ZNF433: variants seen among roughly 807,000 people sequenced by gnomAD.
ZNF433 encodes zinc finger protein 433.
In ZNF433, 12 loss-of-function variants were observed where a neutral mutation model predicts 10.6. The ratio of observed to expected loss-of-function variants is 1.13; its 90% CI spans 0.72 to 1.83. The LOEUF (loss-of-function observed/expected upper bound fraction) is 1.83. Ranked by LOEUF, ZNF433 falls within the 40% of genes most tolerant of loss-of-function variation. ZNF433 has a pLI of 0.00. For synonymous variants in ZNF433, 272 were observed against 271.3 expected, an observed-to-expected ratio of 1.00 and a Z score of -0.02; for missense variants, 737 against 798.0, an observed-to-expected ratio of 0.92 and a Z score of 0.92.
rs546005656 is a variant in ZNF433 at position 12,028,957 on chromosome 19, A to C, written c.3+6580T>G. ...TCTCCCACCTTGGCCTCCAAAAGCAATTAATTTTCTTGAAGTCCCAAAAAG... is the reference window on the plus strand; with the variant it reads ...TCTCCCACCTTGGCCTCCAAAAGCACTTAATTTTCTTGAAGTCCCAAAAAG... On this transcript the variant is annotated intron_variant, in intron 1 of 3. Coordinates refer to ENST00000550507, the MANE Select transcript of ZNF433 (RefSeq NM_001308348.2). 6.6e-5 allele frequency among the ~76,000 whole-genome samples: 10 copies of C among 152,316 alleles called. No homozygotes were observed. The East Asian group carries it at 1.7e-3, about 26-fold the overall frequency.
At chr19:12,019,451 T>C (rs1974381223) in intron 1 of ZNF433, among the ~76,000 whole-genome samples, 1 of 152,140 alleles carries the variant, frequency 6.6e-6, no homozygotes, top group Non-Finnish European at 1.5e-5. Flanking sequence ...GATGACACCA[T>C]CAACAAAGGG....
chr19:12,017,241 T>C (rs1348283404), intron 3 of ZNF433, among the ~76,000 whole-genome samples: 1 of 152,166 alleles, frequency 6.6e-6, no homozygotes, highest in Non-Finnish European at 1.5e-5. Flanking sequence ...CTCACTCTGT[T>C]GCCCAGGCTG....
At chr19:12,035,264 G>A (rs529910407) in intron 1 of ZNF433, among the ~76,000 whole-genome samples, 2 of 152,334 alleles carry the variant, frequency 1.3e-5, no homozygotes, top group South Asian at 4.1e-4. Context: ...CACAATGTGG[G>A]GAGACGCGGG....
At chr19:12,021,141 G>A (rs972880697) in intron 1 of ZNF433, among the ~76,000 whole-genome samples, 13 of 151,676 alleles carry the variant, frequency 8.6e-5, no homozygotes, top group South Asian at 8.4e-4. Flanking sequence ...CACTATACCC[G>A]GCTAATTTTT....
At chr19:12,030,308 C>A in intron 1 of ZNF433, 1 of 282,542 alleles carries the variant, frequency 3.5e-6, no homozygotes, top group South Asian at 2.9e-5. Context: ...GCAACCTCTG[C>A]CTCCCAGGTT....
At chr19:12,031,249 T>C (rs549763640) in intron 1 of ZNF433, among the ~76,000 whole-genome samples, 325 of 147,892 alleles carry the variant, frequency 2.2e-3, no homozygotes, top group Non-Finnish European at 3.6e-3. Context: ...TGAGCAGAGA[T>C]TGCGCCACTG....
chr19:12,034,350 T>C (rs1048150771), intron 1 of ZNF433, among the ~76,000 whole-genome samples: 1 of 152,164 alleles, frequency 6.6e-6, no homozygotes, highest in Non-Finnish European at 1.5e-5. Flanking sequence ...GACTCTGGAA[T>C]TGAGTCACCT....
At position 12,016,336 on chromosome 19, in the gene ZNF433, T is replaced by G. The variant is rs1186830074; in HGVS notation, c.522A>C (p.Lys174Asn). 1 of 1,614,074 alleles carries G rather than the reference T, an allele frequency of 6.2e-7. No individual in the cohort carries two copies. The highest frequency in any genetic ancestry group is 2.2e-5 in the East Asian group (1 of 44,886). ...RKLYVCEECGKTFISHSNLQR... is the reference protein window; with the variant it reads ...RKLYVCEECGNTFISHSNLQR... ...GAAGGTTTGAATGGGAAATAAATGT[T>G]TTTCCGCATTCCTCACAAACATAGA... Residue 174 changes from lysine to asparagine, a missense_variant, in exon 4 of 4, where the codon AAA becomes AAC. By Grantham distance (94) the Lys-to-Asn change is moderately conservative (BLOSUM62 0). Transcript: ENST00000550507.
Position 12,035,585 on chromosome 19 carries a change from C to G in ZNF433, c.-46G>C. On this transcript the variant is annotated 5_prime_UTR_variant, in exon 1 of 4. Coordinates refer to ENST00000550507, the MANE Select transcript of ZNF433 (RefSeq NM_001308348.2). ...CCCACGACCAGTGCGGGTCACAGCA[C>G]AGGCGACAGAAGCTATGGCAGAGGC... is the stretch of plus-strand genomic sequence containing the variant. 1 of 1,559,258 alleles carries G rather than the reference C, an allele frequency of 6.4e-7. No homozygotes were observed. The highest frequency in any genetic ancestry group is 1.2e-5 in the South Asian group (1 of 84,252).
rs138780360 is a variant in ZNF433 at position 12,017,982 on chromosome 19, A to G, written c.131-46T>C. On this transcript the variant is annotated intron_variant, in intron 2 of 3. Transcript: ENST00000550507. ...AATAATCTTGAATTAGTATAAAATT[A>G]TTAAAAAATTACATGATTCTATGTT... 9.7e-5 allele frequency: 138 copies of G among 1,416,572 alleles called. No individual in the cohort carries two copies. In the African/African-American group the frequency reaches 1.8e-3, roughly 19 times the overall value. 87.8% of individuals were successfully genotyped at this position (1,416,572 alleles called of 1,614,324 possible). A position where few individuals can be genotyped will look rare whatever the true frequency, so the allele number is the denominator to read the frequency against.
Position 12,017,941 on chromosome 19 carries a change from A to G in ZNF433, c.131-5T>C. The G allele has an allele frequency of 6.4e-7, 1 of 1,567,344 alleles. No homozygotes were observed. Among genetic ancestry groups the G allele is most frequent in the Non-Finnish European group, 8.6e-7 (1 of 1,160,784 alleles). The stretch of plus-strand genomic sequence containing the variant: ...TCTGGGGTTTCCATTTTTTCCCTAC[A>G]ACACACAACAAGGAAAATAATCTTG... On this transcript the variant is annotated splice_polypyrimidine_tract_variant and splice_region_variant and intron_variant, in intron 2 of 3. Coordinates refer to ENST00000550507, the MANE Select transcript of ZNF433 (RefSeq NM_001308348.2).
chr19:12,029,644 A>C (rs999391033), intron 1 of ZNF433, among the ~76,000 whole-genome samples: 1 of 151,944 alleles, frequency 6.6e-6, no homozygotes, highest in Non-Finnish European at 1.5e-5. Flanking sequence ...CCTAACCTGT[A>C]ATACGATGGA....
In ZNF433 at chr19:12,015,869, G is replaced by T. The variant is rs1426319079; in HGVS notation, c.989C>A (p.Ser330Tyr). The stretch of plus-strand genomic sequence containing the variant: ...TTTACATTCATAGGGTTTTTTCCTA[G>T]AGTGGGTTCTTTCATGTCTGCGAAC... ...SSVRRHERTH[S>Y]RKKPYECKHC... The change falls in exon 4 of 4, where the codon TCT becomes TAT. Residue 330 changes from serine (S) to tyrosine (Y), a missense_variant. Ser to Tyr is a moderately radical substitution (Grantham distance 144). Transcript: ENST00000550507. The T allele has an allele frequency of 1.2e-6, 2 of 1,613,632 alleles. No homozygotes were observed. Among genetic ancestry groups the T allele is most frequent in the Non-Finnish European group, 1.7e-6 (2 of 1,179,908 alleles).
intron 1 of ZNF433, chr19:12,027,223 T>G (rs1035786611): frequency 2.6e-6 from 1 of 391,756 alleles, no homozygotes. Context: ...CAATGATGAT[T>G]GTGCTTTTAA....
At chr19:12,025,231 C>A (rs1466171453) in intron 1 of ZNF433, 3 of 152,158 alleles carry the variant, frequency 2.0e-5, no homozygotes, top group Non-Finnish European at 4.4e-5. Context: ...ATTTCTGATT[C>A]TTTGTATGTG....
In ZNF433 at chr19:12,015,801, G is replaced by C; in HGVS notation, c.1057C>G (p.His353Asp). ...ATCTCTCCAGTGTGCATTCCCAAGT[G>C]GTTTTGAAAGCTGGTAAGATAAGAT... ...VLSYLTSFQN[H>D]LGMHTGEISH... Residue 353 changes from histidine (H) to aspartate (D), a missense_variant, in exon 4 of 4, where the codon CAC becomes GAC. His to Asp is a moderately conservative substitution (Grantham distance 81, BLOSUM62 -1). Transcript: ENST00000550507. 1 of 1,614,110 alleles carries C rather than the reference G, an allele frequency of 6.2e-7. No individual in the cohort carries two copies. The highest frequency in any genetic ancestry group is 1.1e-5 in the South Asian group (1 of 91,066).
chr19:12,016,635 C>G lies in ZNF433; in HGVS notation c.223G>C (p.Glu75Gln), dbSNP rs1296853237. The G allele has an allele frequency of 6.2e-7, 1 of 1,614,096 alleles. No homozygotes were observed. The highest frequency in any genetic ancestry group is 1.3e-5 in the African/African-American group (1 of 75,066). ...IVGERLFESKEGHQHGEILTQ... is the reference protein window; with the variant it reads ...IVGERLFESKQGHQHGEILTQ... ...AAAATTTCTCCATGCTGATGACCTT[C>G]TTTACTTTCAAAGAGTCTCTCTCCC... The change falls in exon 4 of 4, where the codon GAA becomes CAA. Residue 75 changes from glutamate to glutamine, a missense_variant. By Grantham distance (29) the Glu-to-Gln change is conservative (BLOSUM62 2). Coordinates refer to ENST00000550507, the MANE Select transcript of ZNF433 (RefSeq NM_001308348.2).
In ZNF433 at chr19:12,015,982, ATG is replaced by A. The variant is rs1568328949; in HGVS notation, c.874_875del (p.His292PhefsTer6). On this transcript the variant is annotated frameshift_variant, in exon 4 of 4. Coordinates refer to ENST00000550507, the MANE Select transcript of ZNF433 (RefSeq NM_001308348.2). LOFTEE classifies it low-confidence loss of function (END_TRUNC). The part of the protein sequence containing the change: ...KQCGKAFSSS[H>X]SFQIHERTHT... ...GAGTTCTTTCATGTATTTGAAAGGA[ATG>A]GGAAGAGCTGAAGGCTTTCCCACAC... 6.2e-7 allele frequency: 1 copy of A among 1,613,854 alleles called. No homozygotes were observed. Among genetic ancestry groups the A allele is most frequent in the African/African-American group, 1.3e-5 (1 of 74,968 alleles).
At chr19:12,033,016 T>C (rs1975104890) in intron 1 of ZNF433, among the ~76,000 whole-genome samples, 2 of 152,148 alleles carry the variant, frequency 1.3e-5, no homozygotes, top group South Asian at 4.1e-4. Flanking sequence ...GTGCCCATCC[T>C]GCTCACTGAA....
Sources: gnomAD v4.1 joint callset for allele counts (sites outside exome capture counted in the v4.1 genomes callset) on GRCh38, gnomAD v4.1.1 for gene constraint, MANE v1.5 for transcripts, NCBI Gene and HGNC (gene_info 2026-07-23, HGNC 2026-07-21) for gene names.